Variants in MBOAT4 observed in about 807,000 individuals in gnomAD.
MBOAT4 encodes membrane-bound ghrelin O-acyltransferase MBOAT4.
Under a neutral mutation model 13.2 loss-of-function variants are expected in MBOAT4, and 11 were observed. The ratio of observed to expected loss-of-function variants is 0.84; its 90% CI spans 0.53 to 1.38. MBOAT4 has a LOEUF of 1.38. MBOAT4 is among the 40% of genes most tolerant of loss of function. MBOAT4 has a pLI of 0.00. For synonymous variants in MBOAT4, 202 were observed against 210.3 expected (o/e 0.96, Z 0.34); for missense variants, 481 against 527.2 (o/e 0.91, Z 0.86).
chr8:30,132,435 C>T lies in MBOAT4; in HGVS notation c.816G>A (p.Gly272=), dbSNP rs867794258. ...DDSLLHAAGF[G]PELGQSPGEE... ...CTCCAGGGCTCTGACCAAGCTCAGG[C>T]CCAAAGCCCGCTGCGTGGAGGAGGG... The change falls in exon 3 of 3, where the codon GGG becomes GGA. Residue 272 remains glycine, a synonymous_variant. Transcript: ENST00000320542. The T allele has an allele frequency of 4.5e-6, 7 of 1,551,752 alleles. No individual in the cohort carries two copies. The Admixed American group carries it at 5.9e-5, about 13-fold the overall frequency.
At chr8:30,140,732 C>T (rs574537759) in intron 1 of MBOAT4, among the ~76,000 whole-genome samples, 3 of 152,198 alleles carry the variant, frequency 2.0e-5, no homozygotes, top group East Asian at 1.9e-4. Flanking sequence ...TGACCACGAC[C>T]GTATGTTTCC....
At chr8:30,143,524 T>C (rs1029238389) in intron 1 of MBOAT4, among the ~76,000 whole-genome samples, 4 of 152,170 alleles carry the variant, frequency 2.6e-5, no homozygotes, top group Non-Finnish European at 4.4e-5. Context: ...CTTTTGACTA[T>C]GTTAAAAACA....
intron 1 of MBOAT4, 29 bp from the exon 2 acceptor site, chr8:30,138,785 A>T: frequency 1.3e-6 from 2 of 1,526,226 alleles, no homozygotes; most frequent in Non-Finnish European, 1.8e-6. Flanking sequence ...CTTGGGGAGA[A>T]TGACTTAGAA....
Position 30,132,173 on chromosome 8 carries a change from G to A in MBOAT4, c.1078C>T (p.Leu360=). 1 of 1,551,866 alleles carries A rather than the reference G, an allele frequency of 6.4e-7. No homozygotes were observed. Among genetic ancestry groups the A allele is most frequent in the Non-Finnish European group, 8.7e-7 (1 of 1,147,042 alleles). Reference sequence around the variant, plus strand: ...AACTCATTGGCAAAGGAGTGAATCAGGTAGTCAGCTTCCACCATCACGGCC... The same window carrying A: ...AACTCATTGGCAAAGGAGTGAATCAAGTAGTCAGCTTCCACCATCACGGCC... ...CWAVMVEADY[L]IHSFANEFIR... is the part of the protein sequence containing the mutation. Residue 360 remains leucine, a synonymous_variant, in exon 3 of 3, where the codon CTG becomes TTG. Transcript: ENST00000320542.
At position 30,138,592 on chromosome 8, in the gene MBOAT4, G is replaced by T. The variant is rs1218373651; in HGVS notation, c.284C>A (p.Thr95Asn). ...WTFCFQMSWQ[T>N]LCHLGLHYTE... ...GTAGTGCAGACCTAGGTGACACAAGGTCTGCCAGCTCATCTGAAAGCAGAA... is the reference window on the plus strand; with the variant it reads ...GTAGTGCAGACCTAGGTGACACAAGTTCTGCCAGCTCATCTGAAAGCAGAA... The change falls in exon 2 of 3, where the codon ACC (threonine) becomes AAC (asparagine). Residue 95 changes from threonine (T) to asparagine (N), a missense_variant. Thr to Asn is a moderately conservative substitution (Grantham distance 65, BLOSUM62 0). Coordinates refer to ENST00000320542, the MANE Select transcript of MBOAT4 (RefSeq NM_001100916.2). The T allele has an allele frequency of 1.3e-6, 2 of 1,551,540 alleles. No homozygotes were observed. Among genetic ancestry groups the T allele is most frequent in the African/African-American group, 2.7e-5 (2 of 73,040 alleles).
At chr8:30,143,945 T>C (rs1803305813) in intron 1 of MBOAT4, among the ~76,000 whole-genome samples, 1 of 152,332 alleles carries the variant, frequency 6.6e-6, no homozygotes. Flanking sequence ...CCATTTAACC[T>C]GAACCCAGCA....
chr8:30,137,747 T>C (rs1029068988), intron 2 of MBOAT4: 3 of 490,470 alleles, frequency 6.1e-6, no homozygotes, highest in Non-Finnish European at 1.1e-5. Flanking sequence ...ACAAAGACAA[T>C]CACAGACCTT....
In MBOAT4 at chr8:30,138,546, C is replaced by T; in HGVS notation, c.330G>A (p.Glu110=). 1 of 1,549,096 alleles carries T rather than the reference C, an allele frequency of 6.5e-7. No homozygotes were observed. Among genetic ancestry groups the T allele is most frequent in the African/African-American group, 1.4e-5 (1 of 73,126 alleles). The change falls in exon 2 of 3, where the codon GAG becomes GAA. Residue 110 remains glutamate, a synonymous_variant. Coordinates refer to ENST00000320542, the MANE Select transcript of MBOAT4 (RefSeq NM_001100916.2). ...AGGCTGCTTACCTCACAGAAGGAGG[C>T]TCATGCAGATAATACTCAGTGTAGT... ...GLHYTEYYLH[E]PPSVRFCITL...
rs1453199639 is a variant in MBOAT4, at chr8:30,144,627, C to A, written c.-26G>T. 1 of 1,452,592 alleles carries A rather than the reference C, an allele frequency of 6.9e-7. No individual in the cohort carries two copies. Among genetic ancestry groups the A allele is most frequent in the African/African-American group, 1.4e-5 (1 of 70,416 alleles). The allele number at this position is 1,452,592 out of a possible 1,614,324, so 90.0% of individuals were successfully genotyped here. ...TAGGAACCAGAACAAAAGAGCCTGT[C>A]TTTTCCAGTGTCCTTAACTGATGCC... is the stretch of plus-strand genomic sequence containing the variant. On this transcript the variant is annotated 5_prime_UTR_variant, in exon 1 of 3. Transcript: ENST00000320542.
chr8:30,132,981 A>G, intron 2 of MBOAT4, 75 bp from the exon 3 acceptor site: 2 of 1,413,516 alleles, frequency 1.4e-6, no homozygotes, highest in Non-Finnish European at 1.9e-6. Flanking sequence ...TCTGTCATAC[A>G]TGATCTCGCA....
At chr8:30,135,617 A>G (rs1803123295) in intron 2 of MBOAT4, among the ~76,000 whole-genome samples, 1 of 152,112 alleles carries the variant, frequency 6.6e-6, no homozygotes, top group Non-Finnish European at 1.5e-5. Context: ...AGAACAATGA[A>G]TGAAAATTAG....
intron 1 of MBOAT4, among the ~76,000 whole-genome samples, chr8:30,139,382 A>G (rs1803222982): frequency 6.6e-6 from 1 of 151,412 alleles, no homozygotes; most frequent in Non-Finnish European, 1.5e-5. Context: ...TAGCAAGGAC[A>G]TCTTTGAAAT....
intron 2 of MBOAT4, chr8:30,137,944 T>C: frequency 4.9e-6 from 1 of 205,776 alleles, no homozygotes; most frequent in Non-Finnish European, 1.0e-5. Context: ...CTTGAGATGT[T>C]TTGTAGACCC....
At chr8:30,143,214 G>T (rs953569251) in intron 1 of MBOAT4, among the ~76,000 whole-genome samples, 5 of 152,194 alleles carry the variant, frequency 3.3e-5, no homozygotes, top group Admixed American at 3.3e-4. Flanking sequence ...TGGGCATGGT[G>T]GTGTGCACCT....
intron 2 of MBOAT4, among the ~76,000 whole-genome samples, chr8:30,136,400 C>A (rs1169426842): frequency 6.6e-6 from 1 of 152,216 alleles, no homozygotes; most frequent in African/African-American, 2.4e-5. Context: ...CCCAGCCCTG[C>A]TGACGTCATC....
chr8:30,143,694 CTT>C (rs1390497178), intron 1 of MBOAT4, among the ~76,000 whole-genome samples: 1 of 152,100 alleles, frequency 6.6e-6, no homozygotes, highest in Admixed American at 6.5e-5. Flanking sequence ...TTCATTTTGA[CTT>C]ATTTCATTTC....
intron 2 of MBOAT4, among the ~76,000 whole-genome samples, chr8:30,135,635 A>G (rs1458177748): frequency 1.3e-5 from 2 of 152,180 alleles, no homozygotes; most frequent in Non-Finnish European, 2.9e-5. Context: ...TAGGCTGGGC[A>G]CAATGGCTCA....
Position 30,132,081 on chromosome 8 carries a change from AATG to A in MBOAT4, c.1167_1169del (p.Ile390del). ...CCTCCACAGCCAGCATGATGTAGGC[AATG>A]ATCAACTGGGTGTGGGCCCAGGTGA... On this transcript the variant is annotated inframe_deletion, in exon 3 of 3. Transcript: ENST00000320542. 1 of 1,551,800 alleles carries A rather than the reference AATG, an allele frequency of 6.4e-7. No individual in the cohort carries two copies.
intron 2 of MBOAT4, chr8:30,137,527 T>C: frequency 6.7e-7 from 1 of 1,485,298 alleles, no homozygotes; most frequent in South Asian, 1.2e-5. Flanking sequence ...TGCCAGACAC[T>C]GCACCATGTA....
Sources: allele counts gnomAD v4.1 joint callset (sites outside exome capture counted in the v4.1 genomes callset), GRCh38; gene constraint gnomAD v4.1.1; transcripts MANE v1.5; gene names NCBI Gene and HGNC (gene_info 2026-07-23, HGNC 2026-07-21).